The following TRMT11 variants were observed in gnomAD, a reference collection of about 807,000 sequenced individuals.
The protein encoded by TRMT11 is tRNA (guanine(10)-N(2))-methyltransferase TRMT11.
TRMT11 carries 53 observed loss-of-function variants against 62.8 expected under a neutral mutation model. The ratio of observed to expected loss-of-function variants is 0.84; its 90% CI spans 0.68 to 1.06. The LOEUF is 1.06. TRMT11 is among the 50% of genes least tolerant of loss of function. TRMT11 has a pLI of 0.00. For missense variants in TRMT11, 556 were observed against 553.4 expected, an observed-to-expected ratio of 1.00 and a Z score of -0.05; for synonymous variants, 188 against 190.3, an observed-to-expected ratio of 0.99 and a Z score of 0.10.
chr6:126,211,943 C>T, the TRMT11 span, among the ~76,000 whole-genome samples: 1 of 152,044 alleles, frequency 6.6e-6, no homozygotes, highest in Non-Finnish European at 1.5e-5. Context: ...CCTTCCCAGC[C>T]TCTGGTAACT....
At chr6:126,173,211 T>TAA, upstream of TRMT11, among the ~76,000 whole-genome samples, 1 of 152,206 alleles carries the variant, frequency 6.6e-6, no homozygotes, top group Non-Finnish European at 1.5e-5. Context: ...AAATGCCTGT[T>TAA]TATGGCAAAG....
intron 17 of TRMT11, among the ~76,000 whole-genome samples, chr6:126,112,266 G>A (rs991914547): frequency 2.6e-5 from 4 of 152,100 alleles, no homozygotes; most frequent in Non-Finnish European, 5.9e-5. Context: ...CACTGAGCCT[G>A]CATAAACTCC....
At chr6:126,214,635 T>C in the TRMT11 span, among the ~76,000 whole-genome samples, 2 of 152,046 alleles carry the variant, frequency 1.3e-5, no homozygotes, top group Admixed American at 1.3e-4. Context: ...TTTTTCTTAG[T>C]CTGGCTAAGG....
At chr6:126,260,905 G>T in the TRMT11 span, among the ~76,000 whole-genome samples, 3 of 152,110 alleles carry the variant, frequency 2.0e-5, no homozygotes, top group African/African-American at 7.2e-5. Context: ...CCTCAGAGAG[G>T]ATTTTTTGGA....
chr6:126,079,886 A>C (rs921753178), intron 17 of TRMT11, among the ~76,000 whole-genome samples: 2 of 152,166 alleles, frequency 1.3e-5, no homozygotes, highest in African/African-American at 4.8e-5. Context: ...GAGTAGTAAA[A>C]GGCCAAGTAG....
At chr6:126,181,476 T>TTAGGCC (rs1167875366) in intron 1 of TRMT11, among the ~76,000 whole-genome samples, 3 of 152,162 alleles carry the variant, frequency 2.0e-5, no homozygotes, top group African/African-American at 7.2e-5. Flanking sequence ...TCTGTTCAAT[T>TTAGGCC]TAGGCCTCTT....
the TRMT11 span, among the ~76,000 whole-genome samples, chr6:126,254,944 G>T: frequency 1.3e-5 from 2 of 152,160 alleles, no homozygotes; most frequent in Non-Finnish European, 2.9e-5. Flanking sequence ...GAGGTAGACA[G>T]ATGGCAGGAT....
At chr6:126,239,538 C>T in the TRMT11 span, among the ~76,000 whole-genome samples, 3,282 of 152,264 alleles carry the variant, frequency 0.022, 132 homozygotes, top group African/African-American at 0.075. Flanking sequence ...TATTGGCCCC[C>T]ACTCTCTTCT....
intron 21 of TRMT11, among the ~76,000 whole-genome samples, chr6:126,122,884 T>C (rs1777666505): frequency 6.6e-6 from 1 of 152,240 alleles, no homozygotes; most frequent in South Asian, 2.1e-4. Flanking sequence ...GGTTCTCACA[T>C]TGAGCTGGAA....
chr6:126,062,886 G>A (rs1776577478), intron 17 of TRMT11, among the ~76,000 whole-genome samples: 1 of 152,028 alleles, frequency 6.6e-6, no homozygotes, highest in Non-Finnish European at 1.5e-5. Context: ...CTAACATATA[G>A]CTCCTATCCT....
At chr6:126,198,664 T>C (rs905377133) in intron 1 of TRMT11, 1 of 152,250 alleles carries the variant, frequency 6.6e-6, no homozygotes, top group African/African-American at 2.4e-5. Context: ...AGCTCTTCTT[T>C]CTTTGTCTGA....
At chr6:126,262,375 G>A in the TRMT11 span, among the ~76,000 whole-genome samples, 1 of 152,196 alleles carries the variant, frequency 6.6e-6, no homozygotes, top group Non-Finnish European at 1.5e-5. Context: ...TCCCTTAGGG[G>A]TGATGTGCTG....
intron 17 of TRMT11, among the ~76,000 whole-genome samples, chr6:126,104,469 T>C (rs1476945743): frequency 6.6e-6 from 1 of 152,168 alleles, no homozygotes; most frequent in Non-Finnish European, 1.5e-5. Context: ...GCCACAGCTG[T>C]GAAGAATGGA....
chr6:126,083,806 T>C (rs1368024672), intron 17 of TRMT11, among the ~76,000 whole-genome samples: 1 of 152,180 alleles, frequency 6.6e-6, no homozygotes, highest in Non-Finnish European at 1.5e-5. Flanking sequence ...TAAACACTAT[T>C]TTGCTCTCTC....
chr6:126,019,393 T>C (rs1795478264), intron 11 of TRMT11, among the ~76,000 whole-genome samples: 2 of 152,188 alleles, frequency 1.3e-5, no homozygotes, highest in African/African-American at 4.8e-5. Context: ...ATTCATGTCA[T>C]AGATGTTAAT....
chr6:126,065,029 A>G (rs1776646719), intron 17 of TRMT11, among the ~76,000 whole-genome samples: 1 of 152,200 alleles, frequency 6.6e-6, no homozygotes, highest in Non-Finnish European at 1.5e-5. Flanking sequence ...CTTTGAGTCT[A>G]GGAGCATTTC....
intron 17 of TRMT11, among the ~76,000 whole-genome samples, chr6:126,055,167 G>A (rs963691845): frequency 1.3e-5 from 2 of 152,156 alleles, no homozygotes; most frequent in African/African-American, 2.4e-5. Context: ...GTTTCTCCAT[G>A]TTGTCCAGGC....
chr6:126,235,345 A>G, the TRMT11 span, among the ~76,000 whole-genome samples: 3 of 152,188 alleles, frequency 2.0e-5, no homozygotes, highest in South Asian at 6.2e-4. Flanking sequence ...CAGCAATACC[A>G]TTACTGGGTA....
intron 1 of TRMT11, chr6:126,177,412 A>C (rs1202287648): frequency 6.6e-6 from 1 of 152,226 alleles, no homozygotes; most frequent in Non-Finnish European, 1.5e-5. Context: ...TCCATTTGCT[A>C]TCCCCAACTC....
Sources: gnomAD v4.1 joint callset for allele counts (sites outside exome capture counted in the v4.1 genomes callset) on GRCh38, gnomAD v4.1.1 for gene constraint, MANE v1.5 for transcripts, NCBI Gene and HGNC (gene_info 2026-07-23, HGNC 2026-07-21) for gene names.